NPEPPS: variants seen among roughly 807,000 people sequenced by gnomAD.
NPEPPS encodes aminopeptidase puromycin sensitive, also known as puromycin-sensitive aminopeptidase.
Under a neutral mutation model 115.5 loss-of-function variants are expected in NPEPPS, and 14 were observed. That is an observed-to-expected ratio of 0.12 (90% CI 0.08 to 0.19). The LOEUF (loss-of-function observed/expected upper bound fraction) is 0.19. NPEPPS is among the 10% of genes least tolerant of loss of function. NPEPPS has a pLI of 1.00. For missense variants in NPEPPS, 523 were observed against 1,110.8 expected (o/e 0.47, Z 7.52); for synonymous variants, 285 against 390.6 (o/e 0.73, Z 3.19).
intron 3 of NPEPPS, among the ~76,000 whole-genome samples, chr17:47,571,280 T>G (rs1366447528): frequency 6.6e-5 from 10 of 152,186 alleles, no homozygotes; most frequent in Non-Finnish European, 1.3e-4. Context: ...TTTTTATTCT[T>G]ATTTATATCT....
intron 8 of NPEPPS, 90 bp from the exon 9 acceptor site, chr17:47,587,140 T>A (rs1912240388): frequency 8.0e-7 from 1 of 1,253,964 alleles, no homozygotes; most frequent in Non-Finnish European, 1.1e-6. Context: ...GCCTAACTTG[T>A]CCATCTGACT....
intron 4 of NPEPPS, 67 bp downstream of exon 4, chr17:47,579,578 A>C (rs564482277): frequency 6.6e-7 from 1 of 1,520,038 alleles, no homozygotes; most frequent in Non-Finnish European, 8.8e-7. Context: ...GCTGTGTTTT[A>C]TTATGTGGGG....
chr17:47,577,377 C>T (rs902535746), intron 3 of NPEPPS, among the ~76,000 whole-genome samples: 2 of 151,912 alleles, frequency 1.3e-5, no homozygotes, highest in African/African-American at 4.8e-5. Flanking sequence ...TTTTTATAAT[C>T]TGTTAGACGT....
chr17:47,599,922 A>G (rs893377482), intron 14 of NPEPPS, among the ~76,000 whole-genome samples, 183 bp downstream of exon 14: 1 of 151,922 alleles, frequency 6.6e-6, no homozygotes, highest in African/African-American at 2.4e-5. Context: ...GGTTCAAGCA[A>G]TTCTCCTGCC....
intron 1 of NPEPPS, among the ~76,000 whole-genome samples, chr17:47,542,998 G>C (rs1908881045): frequency 6.6e-6 from 1 of 151,960 alleles, no homozygotes; most frequent in Non-Finnish European, 1.5e-5. Context: ...TTAGATGGGT[G>C]TGGTGGTGCA....
At chr17:47,554,311 A>T (rs1281250607) in intron 2 of NPEPPS, among the ~76,000 whole-genome samples, 1 of 152,078 alleles carries the variant, frequency 6.6e-6, no homozygotes, top group South Asian at 2.1e-4. Context: ...AAGTGTTGGG[A>T]TTACAGGCAT....
At chr17:47,587,907 A>C (rs1465100243) in intron 9 of NPEPPS, among the ~76,000 whole-genome samples, 3 of 151,512 alleles carry the variant, frequency 2.0e-5, no homozygotes, top group Non-Finnish European at 4.4e-5. Context: ...TAATGTTTGC[A>C]GTAATGATCT....
intron 17 of NPEPPS, among the ~76,000 whole-genome samples, chr17:47,608,580 A>G (rs1156268347): frequency 6.6e-6 from 1 of 152,052 alleles, no homozygotes; most frequent in Non-Finnish European, 1.5e-5. Context: ...CAAGCCCAGC[A>G]TGGGCAACAT....
upstream of NPEPPS, among the ~76,000 whole-genome samples, chr17:47,530,907 T>G (rs1197766607): frequency 1.3e-5 from 2 of 151,504 alleles, no homozygotes; most frequent in African/African-American, 4.8e-5. Context: ...TCCTTCCAGT[T>G]GGAAGGCCGC....
At chr17:47,571,998 C>T (rs972348766) in intron 3 of NPEPPS, among the ~76,000 whole-genome samples, 12 of 151,542 alleles carry the variant, frequency 7.9e-5, no homozygotes, top group African/African-American at 2.9e-4. Context: ...TCTACTGGCT[C>T]CACTTGGCTC....
intron 12 of NPEPPS, among the ~76,000 whole-genome samples, chr17:47,592,899 C>T (rs1194904473): frequency 2.0e-5 from 3 of 152,080 alleles, no homozygotes; most frequent in African/African-American, 7.2e-5. Flanking sequence ...TGCTATCCCT[C>T]CCCCAGCCCC....
rs1459414285 is a variant in NPEPPS, at chr17:47,622,687, A to G, written c.*767A>G. The G allele has an allele frequency of 2.8e-6, 1 of 356,944 alleles. No individual in the cohort carries two copies. The highest frequency in any genetic ancestry group is 5.3e-6 in the Non-Finnish European group (1 of 189,982). The allele number at this position is 356,944 out of a possible 1,614,324, so 22.1% of individuals were successfully genotyped here. ...ATAAGGAAACATCTTTCATAGCCAC[A>G]TTAAATAAGAGAAACTGATATACAT... On this transcript the variant is annotated 3_prime_UTR_variant, in exon 23 of 23. Transcript: ENST00000322157.
intron 2 of NPEPPS, among the ~76,000 whole-genome samples, chr17:47,548,821 C>T (rs1228667455): frequency 6.6e-6 from 1 of 151,468 alleles, no homozygotes; most frequent in Non-Finnish European, 1.5e-5. Context: ...GTGATCCACC[C>T]GCCTCAGCCT....
intron 22 of NPEPPS, among the ~76,000 whole-genome samples, chr17:47,621,135 C>A (rs540309544): frequency 1.4e-5 from 2 of 138,848 alleles, no homozygotes; most frequent in East Asian, 4.6e-4. Context: ...GAGCCATGAT[C>A]GTTTCATTGC....
At chr17:47,532,427 G>A (rs1170443122) in intron 1 of NPEPPS, among the ~76,000 whole-genome samples, 2 of 151,930 alleles carry the variant, frequency 1.3e-5, no homozygotes, top group Non-Finnish European at 2.9e-5. Flanking sequence ...AGGCTGAGGC[G>A]GGCGCACTTG....
rs561693508 is a variant in NPEPPS, at chr17:47,525,616, T to C, written c.77+2553T>C. ...CCTTGGCCTCCCATAGTGCTGGGAT[T>C]ACAGGCGTGAGGCATGGTGCCTAGC... On this transcript the variant is annotated intron_variant, in intron 1 of 5. Coordinates refer to the NPEPPS transcript ENST00000525007. Among the ~76,000 whole-genome samples, 401 of 152,332 alleles carry C rather than the reference T, an allele frequency of 2.6e-3. 2 individuals are homozygous for C. Among genetic ancestry groups the C allele is most frequent in the Non-Finnish European group, 4.2e-3 (285 of 68,032 alleles).
chr17:47,579,664 T>C, intron 4 of NPEPPS, 153 bp downstream of exon 4: 1 of 536,802 alleles, frequency 1.9e-6, no homozygotes, highest in South Asian at 2.1e-5. Context: ...ATTTAGCCAT[T>C]ATCTCTATAG....
rs190203553 is a variant in NPEPPS, at chr17:47,522,964, G to A, written c.-23G>A. The A allele has an allele frequency of 1.2e-3, 1,772 of 1,477,700 alleles. 21 individuals are homozygous for A. The African/African-American group carries it at 0.019, about 16-fold the overall frequency. The allele number at this position is 1,477,700 out of a possible 1,614,324, so 91.5% of individuals were successfully genotyped here. A position where few individuals can be genotyped will look rare whatever the true frequency, so the allele number is the denominator to read the frequency against. On this transcript the variant is annotated 5_prime_UTR_variant, in exon 1 of 6. Coordinates refer to the NPEPPS transcript ENST00000525007. ...CATTTCAACAGCCATTTTAAGTTAC[G>A]GAAGAGTCAAGGCTGGGACCTCATG...
intron 1 of NPEPPS, among the ~76,000 whole-genome samples, chr17:47,536,386 CTCTTTT>C (rs1908262301): frequency 1.6e-5 from 2 of 126,670 alleles, no homozygotes; most frequent in African/African-American, 5.7e-5. Flanking sequence ...CATATTTTCT[CTCTTTT>C]TTTTTTTTTT....
Sources: allele counts gnomAD v4.1 joint callset (sites outside exome capture counted in the v4.1 genomes callset), GRCh38; gene constraint gnomAD v4.1.1; transcripts MANE v1.5; gene names NCBI Gene and HGNC (gene_info 2026-07-23, HGNC 2026-07-21).